The following VGLL4 variants were observed in gnomAD, a reference collection of about 807,000 sequenced individuals.
VGLL4 encodes vestigial like family member 4, also known as transcription cofactor vestigial-like protein 4.
Under a neutral mutation model 21.0 loss-of-function variants are expected in VGLL4, and 7 were observed. The ratio of observed to expected loss-of-function variants is 0.33; its 90% CI spans 0.19 to 0.63. VGLL4 has a LOEUF of 0.63. Among genes scored for constraint, VGLL4 ranks in the 20% least tolerant of loss-of-function variants. The probability of loss-of-function intolerance (pLI) is 0.78; values close to 1 mark genes in which losing one functional copy is unlikely to be tolerated. For synonymous variants in VGLL4, 222 were observed against 173.2 expected (o/e 1.28, Z -2.21); for missense variants, 394 against 425.7 (o/e 0.93, Z 0.66).
chr3:11,559,756 C>T (rs778212761), intron 3 of VGLL4, among the ~76,000 whole-genome samples: 12 of 152,186 alleles, frequency 7.9e-5, no homozygotes, highest in Non-Finnish European at 1.3e-4. Context: ...AAGACAAACA[C>T]CGGGCATCCT....
intron 2 of VGLL4, among the ~76,000 whole-genome samples, chr3:11,701,037 G>A (rs910305778): frequency 6.6e-6 from 1 of 152,048 alleles, no homozygotes; most frequent in Non-Finnish European, 1.5e-5. Flanking sequence ...GATCTTGTAG[G>A]GGTGGTGGCA....
At chr3:11,597,493 A>G (rs1377169749) in intron 2 of VGLL4, among the ~76,000 whole-genome samples, 1 of 152,232 alleles carries the variant, frequency 6.6e-6, no homozygotes, top group Non-Finnish European at 1.5e-5. Context: ...CTTAAAACTT[A>G]AAACTTACAT....
At chr3:11,582,193 G>GT in intron 2 of VGLL4, 2 of 1,449,542 alleles carry the variant, frequency 1.4e-6, no homozygotes, top group Non-Finnish European at 1.9e-6. Context: ...CTGTCTCGCA[G>GT]TTTAAATTAA....
At chr3:11,695,581 A>G (rs1312778747) in intron 2 of VGLL4, among the ~76,000 whole-genome samples, 1 of 152,170 alleles carries the variant, frequency 6.6e-6, no homozygotes, top group Non-Finnish European at 1.5e-5. Context: ...GTGGTAGCCA[A>G]AGAACTATAG....
chr3:11,618,249 T>C (rs765009682), intron 1 of VGLL4, among the ~76,000 whole-genome samples: 4 of 152,214 alleles, frequency 2.6e-5, no homozygotes, highest in Admixed American at 6.5e-5. Context: ...GTATATGGTA[T>C]ATTCTGGAGT....
chr3:11,562,379 C>T (rs1462738331), intron 3 of VGLL4, among the ~76,000 whole-genome samples: 2 of 152,192 alleles, frequency 1.3e-5, no homozygotes, highest in Admixed American at 6.5e-5. Flanking sequence ...AGATCTGAGA[C>T]ACATTTTCTG....
At chr3:11,649,573 T>C (rs1174912646) in intron 2 of VGLL4, among the ~76,000 whole-genome samples, 1 of 152,252 alleles carries the variant, frequency 6.6e-6, no homozygotes, top group Non-Finnish European at 1.5e-5. Flanking sequence ...TATCTTATTA[T>C]AGCTTACATA....
rs1057030350 is a variant in VGLL4, at chr3:11,691,397, C to G, written c.64+11574G>C. Among the ~76,000 whole-genome samples the G allele has an allele frequency of 2.0e-5, 3 of 152,070 alleles. No homozygotes were observed. In the East Asian group the frequency reaches 5.8e-4, roughly 29 times the overall value. On this transcript the variant is annotated intron_variant, in intron 2 of 5. Coordinates refer to the VGLL4 transcript ENST00000273038. The stretch of plus-strand genomic sequence containing the variant: ...CCAGCCCCACATTCCTATGGGAAAT[C>G]ATCAGCTGGTGTGCTGGTAAACGTT...
At chr3:11,681,927 T>C (rs1343820045) in intron 2 of VGLL4, among the ~76,000 whole-genome samples, 3 of 152,136 alleles carry the variant, frequency 2.0e-5, no homozygotes, top group Admixed American at 2.0e-4. Context: ...TGGCCACATC[T>C]CCAAGGCATA....
At position 11,624,931 on chromosome 3, in the gene VGLL4, C is replaced by T. The variant is rs76526056; in HGVS notation, c.82+18506G>A. ...CCACCACGATCACGCTCTGAGAGGCCGCCGCAGGTAAACAGAGGGATAGGG... is the reference window on the plus strand; with the variant it reads ...CCACCACGATCACGCTCTGAGAGGCTGCCGCAGGTAAACAGAGGGATAGGG... On this transcript the variant is annotated intron_variant, in intron 1 of 4. Coordinates refer to ENST00000430365, the MANE Select transcript of VGLL4 (RefSeq NM_001128219.3). Among the ~76,000 whole-genome samples, 459 of 152,276 alleles carry T rather than the reference C, an allele frequency of 3.0e-3. 4 individuals are homozygous for T. Among genetic ancestry groups the T allele is most frequent in the African/African-American group, 0.01 (416 of 41,552 alleles).
intron 2 of VGLL4, among the ~76,000 whole-genome samples, chr3:11,700,575 G>A (rs529347947): frequency 6.6e-6 from 1 of 152,230 alleles, no homozygotes; most frequent in African/African-American, 2.4e-5. Flanking sequence ...CAAGCTGGTG[G>A]TAGGCCTGAC....
At chr3:11,604,127 G>A (rs891411349) in intron 1 of VGLL4, among the ~76,000 whole-genome samples, 3 of 152,182 alleles carry the variant, frequency 2.0e-5, no homozygotes, top group African/African-American at 7.2e-5. Flanking sequence ...GGGGCTACAG[G>A]CCCCATGAAG....
rs551137052 is a variant in VGLL4 at position 11,593,800 on chromosome 3, A to T, written c.272+8033T>A. Among the ~76,000 whole-genome samples, 215 of 152,244 alleles carry T rather than the reference A, an allele frequency of 1.4e-3. 1 individual carries two copies. Among genetic ancestry groups the T allele is most frequent in the African/African-American group, 4.7e-3 (196 of 41,550 alleles). On this transcript the variant is annotated intron_variant, in intron 2 of 4. Coordinates refer to ENST00000430365, the MANE Select transcript of VGLL4 (RefSeq NM_001128219.3). ...AACAAGGGGCCCATCTCACACCAGG[A>T]CCGTGTTTCAAAGGCCCCCCATCAG...
chr3:11,705,116 G>T (rs1185897386), intron 1 of VGLL4, among the ~76,000 whole-genome samples: 1 of 152,208 alleles, frequency 6.6e-6, no homozygotes, highest in Non-Finnish European at 1.5e-5. Flanking sequence ...ATGGGACCGC[G>T]GCTTGACACG....
chr3:11,607,118 C>CCA (rs2074963523), intron 1 of VGLL4: 1 of 152,080 alleles, frequency 6.6e-6, no homozygotes, highest in African/African-American at 2.4e-5. Context: ...AAAACAATGT[C>CCA]CACACAAAAG....
chr3:11,610,147 G>C (rs1653904302), intron 1 of VGLL4: 1 of 152,342 alleles, frequency 6.6e-6, no homozygotes, highest in South Asian at 2.1e-4. Context: ...GTCCTGGCGA[G>C]AGGGCACCCT....
At chr3:11,592,663 A>G (rs945713606) in intron 2 of VGLL4, among the ~76,000 whole-genome samples, 3 of 152,202 alleles carry the variant, frequency 2.0e-5, no homozygotes, top group Non-Finnish European at 4.4e-5. Flanking sequence ...GTGTGCTATT[A>G]GCATAAATAT....
At chr3:11,660,247 C>T (rs897561839) in intron 2 of VGLL4, among the ~76,000 whole-genome samples, 4 of 152,146 alleles carry the variant, frequency 2.6e-5, no homozygotes, top group Non-Finnish European at 5.9e-5. Context: ...AGACTGGCTG[C>T]GTGAGTTTAG....
At position 11,565,479 on chromosome 3, in the gene VGLL4, C is replaced by T. The variant is rs2073435115; in HGVS notation, c.273-460G>A. Reference sequence around the variant, plus strand: ...TGCTCAGCCCATCTTCCTCACAGTACTGCTCAGCCCGTCTTCCTAACAGCA... The same window carrying T: ...TGCTCAGCCCATCTTCCTCACAGTATTGCTCAGCCCGTCTTCCTAACAGCA... On this transcript the variant is annotated intron_variant, in intron 2 of 4. Transcript: ENST00000430365. This position sits in a 1 kb window ranked among gnomAD's most constrained non-coding sequence, Gnocchi z 4.1. 6.6e-6 allele frequency among the ~76,000 whole-genome samples: 1 copy of T among 152,210 alleles called. No homozygotes were observed. The highest frequency in any genetic ancestry group is 1.5e-5 in the Non-Finnish European group (1 of 68,036).
Sources: allele counts gnomAD v4.1 joint callset (sites outside exome capture counted in the v4.1 genomes callset), GRCh38; gene constraint gnomAD v4.1.1; non-coding constraint Gnocchi (gnomAD v3.1); transcripts MANE v1.5; gene names NCBI Gene and HGNC (gene_info 2026-07-23, HGNC 2026-07-21).